Variants in PHF21A observed in about 807,000 individuals in gnomAD.
PHF21A encodes BHC80a.
Under a neutral mutation model 82.5 loss-of-function variants are expected in PHF21A, and 11 were observed. That is an observed-to-expected ratio of 0.13 (90% CI 0.08 to 0.22). The LOEUF is 0.22. Ranked by LOEUF, PHF21A falls within the 10% of genes least tolerant of loss-of-function variation. The probability of loss-of-function intolerance (pLI) is 1.00; values close to 1 mark genes in which losing one functional copy is unlikely to be tolerated. For missense variants in PHF21A, 579 were observed against 837.8 expected (o/e 0.69, Z 3.81); for synonymous variants, 297 against 302.8 (o/e 0.98, Z 0.20).
At chr11:45,952,803 G>A (rs987887642) in intron 11 of PHF21A, among the ~76,000 whole-genome samples, 4 of 152,088 alleles carry the variant, frequency 2.6e-5, no homozygotes, top group Non-Finnish European at 5.9e-5. Flanking sequence ...AGAATTACTG[G>A]CCAAATGAAA....
At chr11:46,027,821 T>C (rs938886812) in intron 6 of PHF21A, among the ~76,000 whole-genome samples, 2 of 152,220 alleles carry the variant, frequency 1.3e-5, no homozygotes, top group African/African-American at 2.4e-5. Context: ...TAATTCACAC[T>C]GGAAAAATAC....
At chr11:45,982,398 A>T (rs1315016426) in intron 6 of PHF21A, among the ~76,000 whole-genome samples, 1 of 152,104 alleles carries the variant, frequency 6.6e-6, no homozygotes, top group Non-Finnish European at 1.5e-5. Flanking sequence ...ATTTTTTTTT[A>T]AATGATGCAG....
intron 15 of PHF21A, among the ~76,000 whole-genome samples, chr11:45,945,597 A>G (rs1021298786): frequency 2.0e-5 from 3 of 152,162 alleles, no homozygotes; most frequent in Non-Finnish European, 4.4e-5. Flanking sequence ...CAGTAGATCA[A>G]ATTCAGACTC....
In PHF21A at chr11:45,933,891, G is replaced by T; in HGVS notation, c.*77C>A. ...GAATTCTGCACTTTCCAGAAATCCG[G>T]CTTTGCTTTTCTAGAGTCTTCAGTG... On this transcript the variant is annotated 3_prime_UTR_variant, in exon 19 of 19. Transcript: ENST00000676320. 1 of 1,349,144 alleles carries T rather than the reference G, an allele frequency of 7.4e-7. No individual in the cohort carries two copies. The highest frequency in any genetic ancestry group is 1.0e-6 in the Non-Finnish European group (1 of 1,004,912). The allele number at this position is 1,349,144 out of a possible 1,614,324, so 83.6% of individuals were successfully genotyped here.
At chr11:46,114,188 C>T (rs1009711635) in intron 1 of PHF21A, among the ~76,000 whole-genome samples, 2 of 152,128 alleles carry the variant, frequency 1.3e-5, no homozygotes, top group African/African-American at 4.8e-5. Context: ...CTCTCATCCA[C>T]TGACCTCTTC....
chr11:46,046,410 C>T (rs566643922), intron 6 of PHF21A, among the ~76,000 whole-genome samples: 4 of 151,988 alleles, frequency 2.6e-5, no homozygotes, highest in Admixed American at 2.6e-4. Flanking sequence ...AAACCAAAAA[C>T]TAAAACAAAC....
chr11:46,104,810 TGGTATGCAGCAC>T (rs2097136242), intron 1 of PHF21A, among the ~76,000 whole-genome samples: 1 of 152,216 alleles, frequency 6.6e-6, no homozygotes, highest in Admixed American at 6.5e-5. Flanking sequence ...ACCAGCACAG[TGGTATGCAGCAC>T]GTATGTGATA....
At chr11:45,944,486 G>C (rs1432152813) in intron 15 of PHF21A, among the ~76,000 whole-genome samples, 2 of 152,104 alleles carry the variant, frequency 1.3e-5, no homozygotes, top group Non-Finnish European at 1.5e-5. Context: ...ACCCTGTAAT[G>C]GTCTCCCATT....
intron 1 of PHF21A, among the ~76,000 whole-genome samples, chr11:46,109,634 T>C (rs1430514647): frequency 6.6e-6 from 1 of 152,148 alleles, no homozygotes; most frequent in African/African-American, 2.4e-5. Context: ...AATGTACCAA[T>C]GTGTATACTG....
At chr11:46,002,067 A>C (rs936825824) in intron 6 of PHF21A, among the ~76,000 whole-genome samples, 1 of 152,252 alleles carries the variant, frequency 6.6e-6, no homozygotes, top group African/African-American at 2.4e-5. Context: ...AGTGAAAACA[A>C]AACAGTAAAA....
Position 45,936,751 on chromosome 11 carries a change from A to C in PHF21A, c.1609-182T>G, listed in dbSNP as rs190414464. Reference sequence around the variant, plus strand: ...AAAAAGTTCCAAATATCAGCTTAGGAGAATCAAGTTCAAGGCAGGAAGAGC... The same window carrying C: ...AAAAAGTTCCAAATATCAGCTTAGGCGAATCAAGTTCAAGGCAGGAAGAGC... On this transcript the variant is annotated intron_variant, in intron 16 of 18. Coordinates refer to ENST00000676320, the MANE Select transcript of PHF21A (RefSeq NM_001352027.3). 18 of 572,308 alleles carry C rather than the reference A, an allele frequency of 3.1e-5. No individual in the cohort carries two copies. The Admixed American group carries it at 4.8e-4, about 15-fold the overall frequency. 35.5% of individuals were successfully genotyped at this position (572,308 alleles called of 1,614,324 possible). A position where few individuals can be genotyped will look rare whatever the true frequency, so the allele number is the denominator to read the frequency against.
intron 14 of PHF21A, 200 bp from the exon 15 acceptor site, chr11:45,946,203 A>C: frequency 8.4e-7 from 1 of 1,185,716 alleles, no homozygotes; most frequent in Non-Finnish European, 1.2e-6. Flanking sequence ...CAACTATATG[A>C]CTCTCAAGAG....
intron 16 of PHF21A, chr11:45,936,794 G>A (rs963919492): frequency 2.2e-5 from 11 of 495,728 alleles, no homozygotes; most frequent in Middle Eastern, 5.3e-4. Flanking sequence ...CTTGAGCCCA[G>A]GCTTAGAAGG....
chr11:46,112,581 TAC>T (rs1469728574), intron 1 of PHF21A, among the ~76,000 whole-genome samples: 1 of 152,202 alleles, frequency 6.6e-6, no homozygotes, highest in African/African-American at 2.4e-5. Context: ...TGCCTCAGAC[TAC>T]ATTTTCAAGT....
intron 6 of PHF21A, among the ~76,000 whole-genome samples, chr11:46,050,321 T>G (rs1298249357): frequency 6.6e-6 from 1 of 152,238 alleles, no homozygotes; most frequent in African/African-American, 2.4e-5. Context: ...CACTGGGTCT[T>G]GTTGAAGAAA....
At chr11:45,997,159 G>C (rs1160549966) in intron 6 of PHF21A, among the ~76,000 whole-genome samples, 1 of 152,206 alleles carries the variant, frequency 6.6e-6, no homozygotes, top group African/African-American at 2.4e-5. Context: ...TGGATGATTA[G>C]ATCTAGGAAT....
chr11:45,959,736 C>T (rs1433634595), intron 10 of PHF21A, among the ~76,000 whole-genome samples: 9 of 152,118 alleles, frequency 5.9e-5, no homozygotes, highest in African/African-American at 2.2e-4. Context: ...TATCAAAGGA[C>T]TGTATCAAGA....
intron 6 of PHF21A, chr11:46,049,306 G>A (rs1391490696): frequency 2.4e-5 from 9 of 375,418 alleles, no homozygotes; most frequent in Non-Finnish European, 4.2e-5. Flanking sequence ...TTGTCCTTCT[G>A]AGTCTCCATA....
intron 6 of PHF21A, among the ~76,000 whole-genome samples, chr11:45,995,965 C>T (rs1360214063): frequency 6.6e-6 from 1 of 151,932 alleles, no homozygotes; most frequent in East Asian, 1.9e-4. Context: ...TTTATTTAGA[C>T]ACAGGGTCTC....
Sources: allele counts gnomAD v4.1 joint callset (sites outside exome capture counted in the v4.1 genomes callset), GRCh38; gene constraint gnomAD v4.1.1; transcripts MANE v1.5; gene names NCBI Gene and HGNC (gene_info 2026-07-23, HGNC 2026-07-21).